ESS2: variants seen among roughly 807,000 people sequenced by gnomAD.
ESS2 encodes the protein ess-2 spliceosome associated protein, also known as splicing factor ESS-2 homolog.
Under a neutral mutation model 52.0 loss-of-function variants are expected in ESS2, and 31 were observed. The observed-to-expected ratio is 0.60, with a 90% confidence interval of 0.45 to 0.81. ESS2 has a LOEUF of 0.81. Ranked by LOEUF, ESS2 falls within the 30% of genes least tolerant of loss-of-function variation. The pLI, the probability that ESS2 is intolerant of heterozygous loss-of-function variation, is 0.00. For synonymous variants in ESS2, 285 were observed against 259.2 expected (o/e 1.10, Z -0.95); for missense variants, 602 against 637.2 (o/e 0.94, Z 0.59).
chr22:19,142,014 T>G (rs807755), intron 3 of ESS2, among the ~76,000 whole-genome samples: 6 of 152,356 alleles, frequency 3.9e-5, no homozygotes, highest in African/African-American at 1.4e-4. Context: ...AAAATGAAAT[T>G]AAATAAAATA....
intron 8 of ESS2, 22 bp from the exon 9 acceptor site, chr22:19,135,197 G>A (rs764980909): frequency 6.3e-7 from 1 of 1,593,904 alleles, no homozygotes; most frequent in South Asian, 1.1e-5. Context: ...CAGGTGTGTG[G>A]GTAGCTGCGC....
chr22:19,142,590 G>A lies in ESS2; in HGVS notation c.348C>T (p.Gly116=), dbSNP rs776260733. The A allele has an allele frequency of 2.5e-6, 4 of 1,613,666 alleles. No individual in the cohort carries two copies. In the African/African-American group the frequency reaches 5.3e-5, roughly 22 times the overall value. Residue 116 remains glycine (G), a synonymous_variant, in exon 3 of 10, where the codon GGC becomes GGT. Transcript: ENST00000252137. ...ATFETPEVHA[G]TGVVGNKPRP... is the part of the protein sequence containing the mutation. ...TGGGCTTGTTGCCCACCACTCCAGTGCCTGCATGCACCTCAGGGGTTTCAA... is the reference window on the plus strand; with the variant it reads ...TGGGCTTGTTGCCCACCACTCCAGTACCTGCATGCACCTCAGGGGTTTCAA...
chr22:19,131,293 C>T lies in ESS2; in HGVS notation c.*2903G>A. The T allele has an allele frequency of 2.0e-6, 2 of 990,796 alleles. No individual in the cohort carries two copies. The highest frequency in any genetic ancestry group is 3.0e-6 in the Non-Finnish European group (2 of 659,686). The allele number at this position is 990,796 out of a possible 1,614,324, so 61.4% of individuals were successfully genotyped here. Reference sequence around the variant, plus strand: ...TCCACCCCTGAGTCGAAGCCCAGCCCAGGGCAGCCCAGCCAGACGCCTCCG... The same window carrying T: ...TCCACCCCTGAGTCGAAGCCCAGCCTAGGGCAGCCCAGCCAGACGCCTCCG... On this transcript the variant is annotated 3_prime_UTR_variant, in exon 10 of 10. Coordinates refer to ENST00000252137, the MANE Select transcript of ESS2 (RefSeq NM_022719.3). This position sits in a 1 kb window ranked among gnomAD's most constrained non-coding sequence, Gnocchi z 5.7.
At chr22:19,144,235 C>G (rs1012485554) in intron 1 of ESS2, 1 of 1,239,146 alleles carries the variant, frequency 8.1e-7, no homozygotes, top group African/African-American at 1.6e-5. Flanking sequence ...TTGTCAAACT[C>G]CTACTCACAC....
At position 19,130,500 on chromosome 22, in the gene ESS2, G is replaced by A. The variant is rs1178165307; in HGVS notation, c.*3696C>T. The A allele has an allele frequency of 1.4e-5, 5 of 345,700 alleles. No homozygotes were observed. Among genetic ancestry groups the A allele is most frequent in the Non-Finnish European group, 2.7e-5 (5 of 183,230 alleles). 21.4% of individuals were successfully genotyped at this position (345,700 alleles called of 1,614,324 possible). On this transcript the variant is annotated 3_prime_UTR_variant, in exon 10 of 10. Coordinates refer to ENST00000252137, the MANE Select transcript of ESS2 (RefSeq NM_022719.3). ...ATGCTTGCTAAGTCCGATTAAAAGGGGCCCAGTGCCTTCAAGGCCTGTCTA... is the reference window on the plus strand; with the variant it reads ...ATGCTTGCTAAGTCCGATTAAAAGGAGCCCAGTGCCTTCAAGGCCTGTCTA...
At position 19,139,235 on chromosome 22, in the gene ESS2, G is replaced by A. The variant is rs761230219; in HGVS notation, c.746C>T (p.Thr249Met). 11 of 1,608,506 alleles carry A rather than the reference G, an allele frequency of 6.8e-6. No homozygotes were observed. The highest frequency in any genetic ancestry group is 9.3e-6 in the Non-Finnish European group (11 of 1,177,316). Residue 249 changes from threonine to methionine, a missense_variant, in exon 6 of 10, where the codon ACG becomes ATG. Physicochemically the swap from Thr to Met is moderately conservative, Grantham distance 81. Coordinates refer to ENST00000252137, the MANE Select transcript of ESS2 (RefSeq NM_022719.3). Reference protein sequence around the residue: ...KKPRQVVHKNTRFLRDPFSQA... With the variant: ...KKPRQVVHKNMRFLRDPFSQA... ...GCTGAAGGGGTCCCTAAGGAAGCGC[G>A]TGTTCTTATGTACCACCTGCCGGGG... is the stretch of plus-strand genomic sequence containing the variant.
rs1359234759 is a variant in ESS2, at chr22:19,138,236, C to T, written c.904G>A (p.Ala302Thr). The T allele has an allele frequency of 4.3e-6, 7 of 1,613,932 alleles. No homozygotes were observed. The highest frequency in any genetic ancestry group is 1.7e-5 in the Admixed American group (1 of 59,998). The change falls in exon 7 of 10, where the codon GCC becomes ACC. Residue 302 changes from alanine (A) to threonine (T), a missense_variant. Physicochemically the swap from Ala to Thr is moderately conservative, Grantham distance 58. Coordinates refer to ENST00000252137, the MANE Select transcript of ESS2 (RefSeq NM_022719.3). ...SPRVGGFGFV[A>T]TPSPAPGVNE... Reference sequence around the variant, plus strand: ...TCACCAGGGGCAGGGGAAGGAGTGGCAACAAATCCAAATCCACCCACTCGA... The same window carrying T: ...TCACCAGGGGCAGGGGAAGGAGTGGTAACAAATCCAAATCCACCCACTCGA...
chr22:19,142,945 A>G (rs1160471482), intron 1 of ESS2, 51 bp from the exon 2 acceptor site: 7 of 1,556,036 alleles, frequency 4.5e-6, no homozygotes, highest in African/African-American at 1.4e-5. Flanking sequence ...GGTGGCTCAC[A>G]CCTGTAATCC....
rs368344123 is a variant in ESS2 at position 19,131,533 on chromosome 22, G to A, written c.*2663C>T. On this transcript the variant is annotated 3_prime_UTR_variant, in exon 10 of 10. Coordinates refer to ENST00000252137, the MANE Select transcript of ESS2 (RefSeq NM_022719.3). This position sits in a 1 kb window ranked among gnomAD's most constrained non-coding sequence, Gnocchi z 5.7. Reference sequence around the variant, plus strand: ...AATGTGGCTGTCAAGATCATCGACCGCAAGAAAACACCTACTGACTTTGTG... The same window carrying A: ...AATGTGGCTGTCAAGATCATCGACCACAAGAAAACACCTACTGACTTTGTG... 1.6e-5 allele frequency: 26 copies of A among 1,614,132 alleles called. No individual in the cohort carries two copies. The Admixed American group carries it at 2.0e-4, about 12-fold the overall frequency.
In ESS2 at chr22:19,132,269, G is replaced by A; in HGVS notation, c.*1927C>T. 1 of 1,612,818 alleles carries A rather than the reference G, an allele frequency of 6.2e-7. No homozygotes were observed. The highest frequency in any genetic ancestry group is 8.5e-7 in the Non-Finnish European group (1 of 1,179,386). On this transcript the variant is annotated 3_prime_UTR_variant, in exon 10 of 10. Transcript: ENST00000252137. The surrounding 1 kb of genome is among the most constrained non-coding windows in gnomAD (Gnocchi z 4.2). The stretch of plus-strand genomic sequence containing the variant: ...CTGCCTCCTTCAAGAGGGAGGGGGA[G>A]GGCAAGTACCGCGCTGAGTGCAAAC...
rs549179530 is a variant in ESS2 at position 19,131,378 on chromosome 22, G to A, written c.*2818C>T. 1.2e-5 allele frequency: 18 copies of A among 1,561,514 alleles called. No homozygotes were observed. The highest frequency in any genetic ancestry group is 6.0e-5 in the South Asian group (5 of 83,244). On this transcript the variant is annotated 3_prime_UTR_variant, in exon 10 of 10. Coordinates refer to ENST00000252137, the MANE Select transcript of ESS2 (RefSeq NM_022719.3). The surrounding 1 kb of genome is among the most constrained non-coding windows in gnomAD (Gnocchi z 5.7). ...ATGACGGGGGGATGTAGACGGCAGC[G>A]GCGCCAGTCGCTCCTGGCACCATGG...
intron 8 of ESS2, among the ~76,000 whole-genome samples, chr22:19,136,898 A>G (rs1456830595): frequency 6.6e-6 from 1 of 151,754 alleles, no homozygotes; most frequent in Non-Finnish European, 1.5e-5. Flanking sequence ...GGCCTCACAC[A>G]CTCCACCCTG....
In ESS2 at chr22:19,144,616, A is replaced by T. The variant is rs145246090; in HGVS notation, c.25T>A (p.Ser9Thr). 2 of 1,554,992 alleles carry T rather than the reference A, an allele frequency of 1.3e-6. No homozygotes were observed. The highest frequency in any genetic ancestry group is 1.7e-6 in the Non-Finnish European group (2 of 1,147,784). ...GACGCGGCGGGAAGCAACAAGGACG[A>T]CGCTGATGCGCCCGGCGTCTCCATC... METPGASA[S>T]SLLLPAASRP... The change falls in exon 1 of 10, where the codon TCG (serine) becomes ACG (threonine). Residue 9 changes from serine to threonine, a missense_variant. By Grantham distance (58) the Ser-to-Thr change is moderately conservative. Transcript: ENST00000252137.
At chr22:19,138,398 A>G (rs2083622998) in intron 6 of ESS2, 81 bp from the exon 7 acceptor site, 5 of 1,303,008 alleles carry the variant, frequency 3.8e-6, no homozygotes, top group Non-Finnish European at 5.5e-6. Context: ...ACGTGGGAAC[A>G]TGCTGGAAAC....
chr22:19,135,504 C>G, intron 8 of ESS2, among the ~76,000 whole-genome samples: 1 of 152,238 alleles, frequency 6.6e-6, no homozygotes, highest in East Asian at 1.9e-4. Flanking sequence ...GGGCGCTTCC[C>G]CGTGTGCCTG....
In ESS2 at chr22:19,131,459, G is replaced by A; in HGVS notation, c.*2737C>T. 1.2e-6 allele frequency: 2 copies of A among 1,614,078 alleles called. No individual in the cohort carries two copies. Among genetic ancestry groups the A allele is most frequent in the Non-Finnish European group, 1.7e-6 (2 of 1,180,004 alleles). On this transcript the variant is annotated 3_prime_UTR_variant, in exon 10 of 10. Coordinates refer to ENST00000252137, the MANE Select transcript of ESS2 (RefSeq NM_022719.3). The surrounding 1 kb of genome is among the most constrained non-coding windows in gnomAD (Gnocchi z 5.7). ...ACATCGTAGGCATCAATCTTGGCAA[G>A]GGTTCCTACGCAAAAGTCAAATCTG... is the stretch of plus-strand genomic sequence containing the variant.
rs749383026 is a variant in ESS2, at chr22:19,134,345, G to C, written c.1282C>G (p.Leu428Val). ...YTPSPARSTH[L>V]KTPASGLQTP... ...TGCAGCCCACTGGCCGGGGTCTTGAGGTGGGTGGAGCGTGCTGGGGATGGT... is the reference window on the plus strand; with the variant it reads ...TGCAGCCCACTGGCCGGGGTCTTGACGTGGGTGGAGCGTGCTGGGGATGGT... Residue 428 changes from leucine (L) to valine (V), a missense_variant, in exon 10 of 10, where the codon CTC becomes GTC. Coordinates refer to ENST00000252137, the MANE Select transcript of ESS2 (RefSeq NM_022719.3). 9 of 1,612,090 alleles carry C rather than the reference G, an allele frequency of 5.6e-6. No homozygotes were observed. The highest frequency in any genetic ancestry group is 1.3e-5 in the African/African-American group (1 of 74,906).
At chr22:19,144,314 C>G in intron 1 of ESS2, 192 bp downstream of exon 1, 1 of 1,362,360 alleles carries the variant, frequency 7.3e-7, no homozygotes, top group Non-Finnish European at 9.5e-7. Flanking sequence ...TTTTCCCTGA[C>G]AACACTACTA....
intron 1 of ESS2, 127 bp downstream of exon 1, chr22:19,144,379 C>A (rs2083748043): frequency 6.5e-7 from 1 of 1,531,922 alleles, no homozygotes; most frequent in African/African-American, 1.4e-5. Context: ...ACTCGTGGGA[C>A]CGTCCACACC....
Sources: gnomAD v4.1 joint callset for allele counts (sites outside exome capture counted in the v4.1 genomes callset) on GRCh38, gnomAD v4.1.1 for gene constraint, Gnocchi (gnomAD v3.1) non-coding constraint, MANE v1.5 for transcripts, NCBI Gene and HGNC (gene_info 2026-07-23, HGNC 2026-07-21) for gene names.